The following ST3GAL3 variants were observed in gnomAD, a reference collection of about 807,000 sequenced individuals.
The protein encoded by ST3GAL3 is CMP-N-acetylneuraminate-beta-1,4-galactoside alpha-2,3-sialyltransferase.
A neutral mutation model predicts 50.1 loss-of-function variants in ST3GAL3; 21 were observed. The observed-to-expected ratio is 0.42, with a 90% CI of 0.30 to 0.60. The LOEUF is 0.60. Ranked by LOEUF, ST3GAL3 falls within the 20% of genes least tolerant of loss-of-function variation. The pLI, the probability that ST3GAL3 is intolerant of heterozygous loss-of-function variation, is 0.19. For missense variants in ST3GAL3, 353 were observed against 489.4 expected, an observed-to-expected ratio of 0.72 and a Z score of 2.63; for synonymous variants, 183 against 190.0, an observed-to-expected ratio of 0.96 and a Z score of 0.30.
chr1:43,846,946 C>T (rs1297245058), intron 5 of ST3GAL3, among the ~76,000 whole-genome samples: 2 of 152,070 alleles, frequency 1.3e-5, no homozygotes, highest in African/African-American at 2.4e-5. Context: ...ACTTCTAATA[C>T]TCAACAACAA....
At chr1:43,739,328 C>T (rs1273318814) in intron 2 of ST3GAL3, 1 of 152,068 alleles carries the variant, frequency 6.6e-6, no homozygotes. Flanking sequence ...GCTTCTACCT[C>T]AGCCTCCCAA....
At chr1:43,913,291 G>A (rs962106963) in intron 9 of ST3GAL3, 2 of 152,218 alleles carry the variant, frequency 1.3e-5, no homozygotes, top group African/African-American at 4.8e-5. Context: ...TGAGCTTGCT[G>A]TATACCAGAC....
intron 2 of ST3GAL3, among the ~76,000 whole-genome samples, chr1:43,786,368 C>T (rs1047118972): frequency 2.0e-5 from 3 of 152,204 alleles, no homozygotes; most frequent in African/African-American, 7.2e-5. Flanking sequence ...TTCCCACCTC[C>T]TGCTTTCTGT....
intron 4 of ST3GAL3, among the ~76,000 whole-genome samples, chr1:43,817,835 C>T (rs2061594608): frequency 8.5e-6 from 1 of 117,218 alleles, no homozygotes; most frequent in African/African-American, 3.2e-5. Flanking sequence ...TTCCTTCCTC[C>T]TTCTTCTTCT....
chr1:43,908,607 G>A (rs1312252722), intron 9 of ST3GAL3, among the ~76,000 whole-genome samples: 1 of 150,692 alleles, frequency 6.6e-6, no homozygotes, highest in African/African-American at 2.4e-5. Context: ...CCCCTTCCAA[G>A]CCTTCCCTTC....
intron 2 of ST3GAL3, among the ~76,000 whole-genome samples, chr1:43,758,022 A>G (rs1003415899): frequency 1.1e-4 from 17 of 152,210 alleles, no homozygotes; most frequent in African/African-American, 4.1e-4. Flanking sequence ...AGATATGTAT[A>G]GACACTTCAC....
intron 2 of ST3GAL3, among the ~76,000 whole-genome samples, chr1:43,758,057 T>A (rs1188125956): frequency 6.6e-6 from 1 of 151,904 alleles, no homozygotes; most frequent in Non-Finnish European, 1.5e-5. Flanking sequence ...ACATGGCAAG[T>A]AAGCACTTGA....
At chr1:43,850,331 AGT>A in intron 5 of ST3GAL3, 1 of 596,314 alleles carries the variant, frequency 1.7e-6, no homozygotes, top group Non-Finnish European at 2.9e-6. Flanking sequence ...GAGGGAAGAG[AGT>A]GAAGCTCTCA....
chr1:43,889,355 T>C (rs2076403948), intron 5 of ST3GAL3, among the ~76,000 whole-genome samples: 1 of 152,214 alleles, frequency 6.6e-6, no homozygotes, highest in Non-Finnish European at 1.5e-5. Context: ...ATGTATTTTG[T>C]TTGTGAATTT....
intron 1 of ST3GAL3, among the ~76,000 whole-genome samples, chr1:43,718,432 G>A (rs970808908): frequency 1.3e-5 from 2 of 151,506 alleles, no homozygotes; most frequent in African/African-American, 4.8e-5. Context: ...CTCATGATCC[G>A]CCCGCCTCGG....
At chr1:43,742,084 A>G (rs1681165660) in intron 2 of ST3GAL3, among the ~76,000 whole-genome samples, 1 of 152,186 alleles carries the variant, frequency 6.6e-6, no homozygotes, top group Admixed American at 6.5e-5. Flanking sequence ...AAGCCACCTG[A>G]AGCTTACCAT....
intron 2 of ST3GAL3, among the ~76,000 whole-genome samples, chr1:43,771,730 T>TTGTGTGTGTGTGTG (rs143955404): frequency 6.9e-6 from 1 of 145,022 alleles, no homozygotes; most frequent in African/African-American, 2.6e-5. Flanking sequence ...TTTAATAAAG[T>TTGTGTGTGTGTGTG]TGTGTGTGTG....
chr1:43,804,207 G>A (rs1174847892), intron 3 of ST3GAL3, among the ~76,000 whole-genome samples: 1 of 152,140 alleles, frequency 6.6e-6, no homozygotes, highest in Non-Finnish European at 1.5e-5. Context: ...TCTGTATAAG[G>A]CAAATTCACA....
At chr1:43,798,764 T>C (rs975761) in intron 3 of ST3GAL3, among the ~76,000 whole-genome samples, 58,870 of 152,100 alleles carry the variant, frequency 0.39, 11,801 homozygotes, top group East Asian at 0.59. Context: ...CAATCTCCCC[T>C]ACTAAAATGT....
At chr1:43,921,940 A>G (rs72888778) in intron 11 of ST3GAL3, 6,231 of 396,288 alleles carry the variant, frequency 0.016, 372 homozygotes, top group African/African-American at 0.12. Context: ...CTGATCTCTC[A>G]GAAACACTTT....
chr1:43,795,511 G>T (rs1558331920), intron 3 of ST3GAL3, among the ~76,000 whole-genome samples: 1 of 152,158 alleles, frequency 6.6e-6, no homozygotes, highest in Non-Finnish European at 1.5e-5. Context: ...AGCCTAAAAG[G>T]GAATGGTAAC....
At chr1:43,752,378 C>G (rs1011426535) in intron 2 of ST3GAL3, among the ~76,000 whole-genome samples, 1 of 152,198 alleles carries the variant, frequency 6.6e-6, no homozygotes, top group African/African-American at 2.4e-5. Flanking sequence ...CTAAAGGTTT[C>G]CTGTCTTCAA....
chr1:43,713,217 C>T (rs2154059359), intron 1 of ST3GAL3, among the ~76,000 whole-genome samples: 1 of 152,226 alleles, frequency 6.6e-6, no homozygotes, highest in African/African-American at 2.4e-5. Flanking sequence ...AGCAGCAGAC[C>T]AGGATTTCAG....
intron 1 of ST3GAL3, among the ~76,000 whole-genome samples, chr1:43,723,640 C>CT (rs58097850): frequency 0.25 from 38,326 of 151,774 alleles, 5,117 homozygotes; most frequent in Non-Finnish European, 0.3. Flanking sequence ...TAGACAGAGT[C>CT]TCACTCTGTT....
Sources: gnomAD v4.1 joint callset for allele counts (sites outside exome capture counted in the v4.1 genomes callset) on GRCh38, gnomAD v4.1.1 for gene constraint, MANE v1.5 for transcripts, NCBI Gene and HGNC (gene_info 2026-07-23, HGNC 2026-07-21) for gene names.